Variants in GRID2 observed in about 807,000 individuals in gnomAD.
The protein encoded by GRID2 is glutamate receptor ionotropic, delta-2.
In GRID2, 33 loss-of-function variants were observed where a neutral mutation model predicts 114.8. The observed-to-expected ratio is 0.29, with a 90% CI of 0.22 to 0.38. The LOEUF (loss-of-function observed/expected upper bound fraction) is 0.38. GRID2 is among the 10% of genes least tolerant of loss of function. GRID2 has a pLI of 1.00. For synonymous variants in GRID2, 505 were observed against 449.9 expected, an observed-to-expected ratio of 1.12 and a Z score of -1.55; for missense variants, 1,184 against 1,257.7, an observed-to-expected ratio of 0.94 and a Z score of 0.89.
intron 8 of GRID2, among the ~76,000 whole-genome samples, chr4:93,377,324 T>C (rs892180336): frequency 3.9e-5 from 6 of 152,158 alleles, no homozygotes; most frequent in Non-Finnish European, 8.8e-5. Flanking sequence ...AAAGAAGATA[T>C]GTCTTTTTAG....
chr4:93,802,072 T>C (rs1006759681), intron 1 of GRID2, among the ~76,000 whole-genome samples: 5 of 152,226 alleles, frequency 3.3e-5, no homozygotes, highest in African/African-American at 1.2e-4. Flanking sequence ...ACAGTAGCTG[T>C]TTCAGACCTG....
intron 2 of GRID2, among the ~76,000 whole-genome samples, chr4:93,014,421 A>G (rs1240243160): frequency 6.6e-6 from 1 of 152,086 alleles, no homozygotes; most frequent in Non-Finnish European, 1.5e-5. Flanking sequence ...TTAAGGAAAA[A>G]TCACGTAGTT....
intron 2 of GRID2, among the ~76,000 whole-genome samples, chr4:92,912,214 A>G (rs941041367): frequency 1.3e-5 from 2 of 151,864 alleles, no homozygotes; most frequent in African/African-American, 2.4e-5. Flanking sequence ...TTCTACAAGG[A>G]TATATGAGCT....
chr4:93,567,832 T>G (rs985970635), intron 13 of GRID2, among the ~76,000 whole-genome samples: 1 of 152,168 alleles, frequency 6.6e-6, no homozygotes, highest in Non-Finnish European at 1.5e-5. Flanking sequence ...CCTAAACTAA[T>G]TCCATGAACA....
rs1469361337 is a variant in GRID2 at position 93,216,771 on chromosome 4, A to C, written c.823A>C (p.Arg275=). 6.2e-7 allele frequency: 1 copy of C among 1,612,140 alleles called. No homozygotes were observed. Among genetic ancestry groups the C allele is most frequent in the Non-Finnish European group, 8.5e-7 (1 of 1,178,458 alleles). ...CGATGTGGACGTACAGGAACTTGTA[A>C]GAAGGTCAATTGGAAGGTTAACGAT... ...INDVDVQELV[R]RSIGRLTIIR... Residue 275 remains arginine, a synonymous_variant, in exon 6 of 16, where the codon AGA becomes CGA. Coordinates refer to ENST00000282020, the MANE Select transcript of GRID2 (RefSeq NM_001510.4).
intron 2 of GRID2, among the ~76,000 whole-genome samples, chr4:92,936,499 T>G (rs970740162): frequency 2.1e-5 from 3 of 146,330 alleles, no homozygotes; most frequent in Non-Finnish European, 3.0e-5. Context: ...CATTTCCCAT[T>G]GTGAAAATTT....
chr4:93,446,451 C>T (rs1281292027), intron 10 of GRID2, among the ~76,000 whole-genome samples: 2 of 151,892 alleles, frequency 1.3e-5, no homozygotes, highest in Non-Finnish European at 2.9e-5. Flanking sequence ...TGTAATCTGC[C>T]GTGCTGATCA....
Position 93,366,925 on chromosome 4 carries a change from A to T in GRID2, c.1246-28682A>T, listed in dbSNP as rs886342818. ...TTGAAAAAGAATATATATGGTTGATAAATATATATATATATTTAGAATAAG... is the reference window on the plus strand; with the variant it reads ...TTGAAAAAGAATATATATGGTTGATTAATATATATATATATTTAGAATAAG... On this transcript the variant is annotated intron_variant, in intron 8 of 15. Coordinates refer to ENST00000282020, the MANE Select transcript of GRID2 (RefSeq NM_001510.4). Among the ~76,000 whole-genome samples the T allele has an allele frequency of 2.0e-5, 3 of 151,904 alleles. No individual in the cohort carries two copies. The South Asian group carries it at 6.2e-4, about 31-fold the overall frequency.
At chr4:93,258,934 C>T (rs1161068793) in intron 8 of GRID2, 1 of 455,602 alleles carries the variant, frequency 2.2e-6, no homozygotes, top group Admixed American at 2.4e-5. Flanking sequence ...CTGGGAAAAT[C>T]TGGCCCCAGG....
At chr4:93,485,849 T>C (rs1056478803) in intron 11 of GRID2, among the ~76,000 whole-genome samples, 1 of 151,680 alleles carries the variant, frequency 6.6e-6, no homozygotes, top group African/African-American at 2.4e-5. Flanking sequence ...TCATATAAAC[T>C]TTACATTCAG....
At chr4:92,728,533 A>T (rs1736172176) in intron 2 of GRID2, among the ~76,000 whole-genome samples, 1 of 152,022 alleles carries the variant, frequency 6.6e-6, no homozygotes, top group Non-Finnish European at 1.5e-5. Flanking sequence ...TAGTATAAGG[A>T]ATATAAAAGA....
At position 93,772,609 on chromosome 4, in the gene GRID2, A is replaced by G; in HGVS notation, c.*111A>G. ...AACGTTTAAAAAAAAGATCAGGATT[A>G]TTAGTAACAATTCTAGTTTTTTCCT... On this transcript the variant is annotated 3_prime_UTR_variant, in exon 16 of 16. Transcript: ENST00000282020. 1.3e-6 allele frequency: 1 copy of G among 745,944 alleles called. No homozygotes were observed. The highest frequency in any genetic ancestry group is 2.1e-6 in the Non-Finnish European group (1 of 469,828). 46.2% of individuals were successfully genotyped at this position (745,944 alleles called of 1,614,324 possible).
intron 2 of GRID2, among the ~76,000 whole-genome samples, chr4:92,686,537 C>G (rs2149288988): frequency 6.6e-6 from 1 of 152,046 alleles, no homozygotes; most frequent in Middle Eastern, 3.4e-3. Context: ...TTCTTGGATT[C>G]TGAGAATTTA....
chr4:92,796,399 A>G (rs1043793335), intron 2 of GRID2, among the ~76,000 whole-genome samples: 2 of 151,862 alleles, frequency 1.3e-5, no homozygotes, highest in Non-Finnish European at 2.9e-5. Context: ...AAGAATTGTC[A>G]TTGTCCCAGC....
At chr4:92,479,072 T>C (rs1332132747) in intron 1 of GRID2, among the ~76,000 whole-genome samples, 1 of 152,116 alleles carries the variant, frequency 6.6e-6, no homozygotes, top group Admixed American at 6.6e-5. Flanking sequence ...TATGAGCCAG[T>C]TGAAAAGCTA....
At chr4:93,037,136 T>C (rs758667012) in intron 2 of GRID2, among the ~76,000 whole-genome samples, 1 of 152,180 alleles carries the variant, frequency 6.6e-6, no homozygotes, top group Admixed American at 6.6e-5. Context: ...TTTGAACATT[T>C]AGAAAATACC....
chr4:93,347,156 T>G (rs1242322540), intron 8 of GRID2, among the ~76,000 whole-genome samples: 2 of 151,992 alleles, frequency 1.3e-5, no homozygotes, highest in Non-Finnish European at 2.9e-5. Flanking sequence ...AGGAGTGGGA[T>G]CTAACTCTCA....
At chr4:93,578,953 C>A (rs185947174) in intron 13 of GRID2, among the ~76,000 whole-genome samples, 306 of 152,208 alleles carry the variant, frequency 2.0e-3, no homozygotes, top group African/African-American at 7.1e-3. Flanking sequence ...AATTTTATAT[C>A]TGTATACTCA....
At chr4:92,361,766 A>C (rs1728630389) in intron 1 of GRID2, among the ~76,000 whole-genome samples, 1 of 151,956 alleles carries the variant, frequency 6.6e-6, no homozygotes. Flanking sequence ...GAAGGGCCTC[A>C]AGTACGCATG....
Sources: gnomAD v4.1 joint callset for allele counts (sites outside exome capture counted in the v4.1 genomes callset) on GRCh38, gnomAD v4.1.1 for gene constraint, MANE v1.5 for transcripts, NCBI Gene and HGNC (gene_info 2026-07-23, HGNC 2026-07-21) for gene names.